SHC2: variants seen among roughly 807,000 people sequenced by gnomAD.
SHC2 encodes SHC adaptor protein 2, also known as SHC-transforming protein 2.
A neutral mutation model predicts 60.6 loss-of-function variants in SHC2; 62 were observed. That is an observed-to-expected ratio of 1.02 (90% confidence interval 0.83 to 1.26). The LOEUF is 1.26. SHC2 is among the 50% of genes most tolerant of loss of function. SHC2 has a pLI of 0.00. For synonymous variants in SHC2, 375 were observed against 372.4 expected, an observed-to-expected ratio of 1.01 and a Z score of -0.08; for missense variants, 873 against 822.2, an observed-to-expected ratio of 1.06 and a Z score of -0.76.
At position 425,307 on chromosome 19, in the gene SHC2, A is replaced by C; in HGVS notation, c.1175-76T>G. On this transcript the variant is annotated intron_variant, in intron 9 of 12. Coordinates refer to ENST00000264554, the MANE Select transcript of SHC2 (RefSeq NM_012435.3). This position sits in a 1 kb window ranked among gnomAD's most constrained non-coding sequence, Gnocchi z 4.1. ...CTCGCAGGGAGCAAGGCGGGGTCCC[A>C]CGAGGAGCTCCCCCGGCCACCACCT... 12 of 1,195,230 alleles carry C rather than the reference A, an allele frequency of 1.0e-5. No homozygotes were observed. The highest frequency in any genetic ancestry group is 1.3e-5 in the Non-Finnish European group (12 of 938,710). The allele number at this position is 1,195,230 out of a possible 1,614,324, so 74.0% of individuals were successfully genotyped here.
rs1974169278 is a variant in SHC2, at chr19:417,090, A to G, written c.*238T>C. Reference sequence around the variant, plus strand: ...GCGAAATGGTTCCGTCTTTGGTATGAACACCCTCACTCCAGGCAAAGGAGG... The same window carrying G: ...GCGAAATGGTTCCGTCTTTGGTATGGACACCCTCACTCCAGGCAAAGGAGG... On this transcript the variant is annotated 3_prime_UTR_variant, in exon 13 of 13. Transcript: ENST00000264554. 6.5e-6 allele frequency: 1 copy of G among 152,718 alleles called. No homozygotes were observed. Among genetic ancestry groups the G allele is most frequent in the African/African-American group, 2.4e-5 (1 of 41,450 alleles). 9.5% of individuals were successfully genotyped at this position (152,718 alleles called of 1,614,324 possible).
In SHC2 at chr19:445,306, A is replaced by G. The variant is rs1488079962; in HGVS notation, c.469-4374T>C. On this transcript the variant is annotated intron_variant, in intron 1 of 12. Transcript: ENST00000264554. This position sits in a 1 kb window ranked among gnomAD's most constrained non-coding sequence, Gnocchi z 4.4. ...ACTGGGATCAGTGCCCTTATAAAAG[A>G]GACCCCAGACAGAGCCCAGCCCTCC... Among the ~76,000 whole-genome samples the G allele has an allele frequency of 6.6e-6, 1 of 152,188 alleles. No homozygotes were observed. The highest frequency in any genetic ancestry group is 6.5e-5 in the Admixed American group (1 of 15,278).
chr19:420,091 C>T (rs1216689682), intron 11 of SHC2, among the ~76,000 whole-genome samples: 2 of 152,238 alleles, frequency 1.3e-5, no homozygotes, highest in Non-Finnish European at 2.9e-5. Context: ...GGTAGACGTT[C>T]TGAAGCTTCT....
chr19:448,328 G>A (rs968919095), intron 1 of SHC2, among the ~76,000 whole-genome samples: 1 of 152,140 alleles, frequency 6.6e-6, no homozygotes, highest in Non-Finnish European at 1.5e-5. Flanking sequence ...GCAGGGCCTC[G>A]CTCCCTCTGA....
At chr19:454,430 G>A (rs740871) in intron 1 of SHC2, among the ~76,000 whole-genome samples, 62,267 of 151,996 alleles carry the variant, frequency 0.41, 15,514 homozygotes, top group Non-Finnish European at 0.56. Context: ...CCCAGCAGAG[G>A]CCCCGGGAAG....
At chr19:452,813 C>T (rs1381174199) in intron 1 of SHC2, among the ~76,000 whole-genome samples, 2 of 152,230 alleles carry the variant, frequency 1.3e-5, no homozygotes, top group Non-Finnish European at 2.9e-5. Flanking sequence ...CGCAGCTCTC[C>T]AAGCCCCCCA....
chr19:430,142 T>G, intron 9 of SHC2, among the ~76,000 whole-genome samples: 1 of 137,502 alleles, frequency 7.3e-6, no homozygotes, highest in South Asian at 2.7e-4. Context: ...TATCCCAACA[T>G]GCACGGAAAC....
chr19:436,448 G>A lies in SHC2; in HGVS notation c.775-17C>T, dbSNP rs1351640091. 1.2e-6 allele frequency: 2 copies of A among 1,602,206 alleles called. No homozygotes were observed. Among genetic ancestry groups the A allele is most frequent in the Admixed American group, 1.7e-5 (1 of 57,658 alleles). On this transcript the variant is annotated splice_polypyrimidine_tract_variant and intron_variant, in intron 5 of 12. Transcript: ENST00000264554. ...CGTCATGTCCTGGGGGCGGGGAGGG[G>A]CCAGCTGGACCTGCCTGGGCCCCCC... is the stretch of plus-strand genomic sequence containing the variant.
In SHC2 at chr19:441,251, C is replaced by G; in HGVS notation, c.469-319G>C. Reference sequence around the variant, plus strand: ...CGGTCTCTTTCTGTTCCACCAGCACCGAAGCCGAGGAGCGTGGGGATGGTG... The same window carrying G: ...CGGTCTCTTTCTGTTCCACCAGCACGGAAGCCGAGGAGCGTGGGGATGGTG... On this transcript the variant is annotated intron_variant, in intron 1 of 12. Coordinates refer to ENST00000264554, the MANE Select transcript of SHC2 (RefSeq NM_012435.3). The surrounding 1 kb of genome is among the most constrained non-coding windows in gnomAD (Gnocchi z 4.9). 1.2e-6 allele frequency: 1 copy of G among 805,034 alleles called. No individual in the cohort carries two copies. The highest frequency in any genetic ancestry group is 1.5e-6 in the Non-Finnish European group (1 of 668,824). The allele number at this position is 805,034 out of a possible 1,614,324, so 49.9% of individuals were successfully genotyped here.
At position 422,261 on chromosome 19, in the gene SHC2, C is replaced by G. The variant is rs372944679; in HGVS notation, c.1505G>C (p.Arg502Pro). The G allele has an allele frequency of 6.2e-7, 1 of 1,612,404 alleles. No individual in the cohort carries two copies. The highest frequency in any genetic ancestry group is 8.5e-7 in the Non-Finnish European group (1 of 1,179,624). Residue 502 changes from arginine to proline, a missense_variant, in exon 11 of 13, where the codon CGA becomes CCA. Physicochemically the swap from Arg to Pro is moderately radical, Grantham distance 103. Transcript: ENST00000264554. The surrounding 1 kb of genome is among the most constrained non-coding windows in gnomAD (Gnocchi z 5.0). The part of the protein sequence containing the change: ...MSRRAAERML[R>P]ADGDFLVRDS... ...TCGCACAAGGAAGTCCCCGTCAGCT[C>G]GAAGCATCCTCTCTGCCGCCCGGCG... is the stretch of plus-strand genomic sequence containing the variant.
Position 422,561 on chromosome 19 carries a change from C to A in SHC2, c.1310-105G>T. 1.1e-6 allele frequency: 1 copy of A among 944,284 alleles called. No homozygotes were observed. Among genetic ancestry groups the A allele is most frequent in the Non-Finnish European group, 1.6e-6 (1 of 644,450 alleles). The allele number at this position is 944,284 out of a possible 1,614,324, so 58.5% of individuals were successfully genotyped here. A position where few individuals can be genotyped will look rare whatever the true frequency, so the allele number is the denominator to read the frequency against. ...GTTCCCCGGGGAGTCCCTCGTGCAC[C>A]CGTCGGCCTGCGCTGACCGAGCGCC... On this transcript the variant is annotated intron_variant, in intron 10 of 12. Transcript: ENST00000264554. This position sits in a 1 kb window ranked among gnomAD's most constrained non-coding sequence, Gnocchi z 5.0.
At chr19:458,327 C>CGGGTCTTGGGGAGGCGGAAGT (rs1975424443) in intron 1 of SHC2, among the ~76,000 whole-genome samples, 1 of 76,898 alleles carries the variant, frequency 1.3e-5, no homozygotes, top group Non-Finnish European at 2.5e-5. Context: ...GAGGCGGAAG[C>CGGGTCTTGGGGAGGCGGAAGT]GGGTTCCGGG....
chr19:440,208 G>A lies in SHC2; in HGVS notation c.539+654C>T, dbSNP rs375524666. Reference sequence around the variant, plus strand: ...CAGGGAGGGGATGCGTGGGTGCCGGGGCTGGGGAGGGGACGGGGAGTGGCT... The same window carrying A: ...CAGGGAGGGGATGCGTGGGTGCCGGAGCTGGGGAGGGGACGGGGAGTGGCT... On this transcript the variant is annotated intron_variant, in intron 2 of 12. Coordinates refer to ENST00000264554, the MANE Select transcript of SHC2 (RefSeq NM_012435.3). The surrounding 1 kb of genome is among the most constrained non-coding windows in gnomAD (Gnocchi z 7.0). Among the ~76,000 whole-genome samples, 5 of 152,008 alleles carry A rather than the reference G, an allele frequency of 3.3e-5. No homozygotes were observed. Among genetic ancestry groups the A allele is most frequent in the South Asian group, 2.1e-4 (1 of 4,774 alleles).
chr19:459,596 G>A (rs1362499768), intron 1 of SHC2, among the ~76,000 whole-genome samples: 1 of 149,662 alleles, frequency 6.7e-6, no homozygotes, highest in Non-Finnish European at 1.5e-5. Flanking sequence ...TCAGCGTAGG[G>A]GGAAGGACCC....
intron 1 of SHC2, among the ~76,000 whole-genome samples, chr19:450,379 T>C (rs762137412): frequency 6.6e-6 from 1 of 152,196 alleles, no homozygotes; most frequent in Non-Finnish European, 1.5e-5. Flanking sequence ...GAGTTTTGAC[T>C]GTCTTTAATC....
At chr19:420,406 G>GA (rs1974240023) in intron 11 of SHC2, among the ~76,000 whole-genome samples, 1 of 152,200 alleles carries the variant, frequency 6.6e-6, no homozygotes, top group Non-Finnish European at 1.5e-5. Flanking sequence ...CTGGATGGCT[G>GA]AAAACGCCTC....
At chr19:436,991 C>G (rs563756069) in intron 4 of SHC2, among the ~76,000 whole-genome samples, 7 of 152,002 alleles carry the variant, frequency 4.6e-5, no homozygotes, top group Non-Finnish European at 7.4e-5. Context: ...ATGTACCTGC[C>G]CAGACGCTCA....
chr19:457,573 T>C lies in SHC2; in HGVS notation c.468+2956A>G, dbSNP rs1179150444. Among the ~76,000 whole-genome samples, 3 of 152,126 alleles carry C rather than the reference T, an allele frequency of 2.0e-5. No homozygotes were observed. The East Asian group carries it at 5.8e-4, about 29-fold the overall frequency. On this transcript the variant is annotated intron_variant, in intron 1 of 12. Coordinates refer to ENST00000264554, the MANE Select transcript of SHC2 (RefSeq NM_012435.3). ...TGATTGACTGTCTCTCCTACTGGAATCCAAGCTCCTTGAGAGCAGGAACGA... is the reference window on the plus strand; with the variant it reads ...TGATTGACTGTCTCTCCTACTGGAACCCAAGCTCCTTGAGAGCAGGAACGA...
Position 422,416 on chromosome 19 carries a change from C to A in SHC2, c.1350G>T (p.Val450=). 6.3e-7 allele frequency: 1 copy of A among 1,589,932 alleles called. No homozygotes were observed. Among genetic ancestry groups the A allele is most frequent in the South Asian group, 1.1e-5 (1 of 87,614 alleles). Residue 450 remains valine (V), a synonymous_variant, in exon 11 of 13, where the codon GTG becomes GTT. Transcript: ENST00000264554. The surrounding 1 kb of genome is among the most constrained non-coding windows in gnomAD (Gnocchi z 5.0). ...GAGGGGCTGCTGTCACGCCTGCCGC[C>A]ACTGAGCACTCATGCAACTTCAGGG... ...EDALKLHECS[V]AAGVTAAPLP...
Sources: gnomAD v4.1 joint callset for allele counts (sites outside exome capture counted in the v4.1 genomes callset) on GRCh38, gnomAD v4.1.1 for gene constraint, Gnocchi (gnomAD v3.1) non-coding constraint, MANE v1.5 for transcripts, NCBI Gene and HGNC (gene_info 2026-07-23, HGNC 2026-07-21) for gene names.